MAFF: variants seen among roughly 807,000 people sequenced by gnomAD.
The protein encoded by MAFF is transcription factor MafF.
MAFF carries 4 observed loss-of-function variants against 2.7 expected under a neutral mutation model. The ratio of observed to expected loss-of-function variants is 1.48; its 90% confidence interval spans 0.73 to 3.39. The LOEUF is 3.39. Among genes scored for constraint, MAFF ranks in the 30% most tolerant of loss-of-function variants. The probability of loss-of-function intolerance (pLI) is 0.01; values close to 1 mark genes in which losing one functional copy is unlikely to be tolerated. For synonymous variants in MAFF, 113 were observed against 119.4 expected, an observed-to-expected ratio of 0.95 and a Z score of 0.35; for missense variants, 190 against 246.6, an observed-to-expected ratio of 0.77 and a Z score of 1.54.
At position 38,213,884 on chromosome 22, in the gene MAFF, C is replaced by G; in HGVS notation, c.31C>G (p.Leu11Val). ...TGTGGATCCCCTATCCAGCAAAGCT[C>G]TAAAGGTGAGGAGGCAGCCTCTGTC... MSVDPLSSKA[L>V]KIKRELSENT... Residue 11 changes from leucine to valine, a missense_variant, in exon 2 of 3, where the codon CTA becomes GTA. Physicochemically the swap from Leu to Val is conservative, Grantham distance 32. Transcript: ENST00000338483. The G allele has an allele frequency of 6.2e-7, 1 of 1,614,200 alleles. No individual in the cohort carries two copies. The highest frequency in any genetic ancestry group is 8.5e-7 in the Non-Finnish European group (1 of 1,180,010).
At position 38,202,295 on chromosome 22, in the gene MAFF, G is replaced by T. The variant is rs2091018905; in HGVS notation, c.-32+83G>T. On this transcript the variant is annotated intron_variant, in intron 1 of 2. Transcript: ENST00000338483. This position sits in a 1 kb window ranked among gnomAD's most constrained non-coding sequence, Gnocchi z 7.4. ...GCGTCCCGGGATGCGCCTGGGGTGG[G>T]CGCCCGGGCCCGATCCGTCGGGGCT... 1 of 152,176 alleles carries T rather than the reference G, an allele frequency of 6.6e-6. No individual in the cohort carries two copies. Among genetic ancestry groups the T allele is most frequent in the Non-Finnish European group, 1.5e-5 (1 of 68,024 alleles). The allele number at this position is 152,176 out of a possible 1,614,324, so 9.4% of individuals were successfully genotyped here. A position where few individuals can be genotyped will look rare whatever the true frequency, so the allele number is the denominator to read the frequency against.
chr22:38,209,386 T>C (rs1415604042), intron 1 of MAFF, among the ~76,000 whole-genome samples: 11 of 152,132 alleles, frequency 7.2e-5, no homozygotes, highest in Admixed American at 7.2e-4. Flanking sequence ...GGCTTTAATC[T>C]GGCTGGTGGC....
chr22:38,211,444 C>T (rs2091100612), intron 1 of MAFF, among the ~76,000 whole-genome samples: 1 of 152,150 alleles, frequency 6.6e-6, no homozygotes, highest in African/African-American at 2.4e-5. Context: ...CCAGGCTGGT[C>T]TCGATCTCCT....
At position 38,216,382 on chromosome 22, in the gene MAFF, A is replaced by C. The variant is rs1300645392; in HGVS notation, c.*1504A>C. ...ATAGCAAAATCCTGTCTCAAAAAAA[A>C]AGTTAAAAAATATTGCCCGGCTCCT... On this transcript the variant is annotated 3_prime_UTR_variant, in exon 3 of 3. Coordinates refer to ENST00000338483, the MANE Select transcript of MAFF (RefSeq NM_012323.4). 2 of 166,800 alleles carry C rather than the reference A, an allele frequency of 1.2e-5. No homozygotes were observed. Among genetic ancestry groups the C allele is most frequent in the African/African-American group, 4.8e-5 (2 of 41,456 alleles). The allele number at this position is 166,800 out of a possible 1,614,324, so 10.3% of individuals were successfully genotyped here.
rs1237510278 is a variant in MAFF at position 38,214,906 on chromosome 22, GC to G, written c.*32del. On this transcript the variant is annotated 3_prime_UTR_variant, in exon 3 of 3. Transcript: ENST00000338483. This position sits in a 1 kb window ranked among gnomAD's most constrained non-coding sequence, Gnocchi z 6.3. ...CCCGCCCCCGCCATGCCTCAGCCAC[GC>G]CCCTCCGGCCTCAGCTCCCTCCCCA... is the stretch of plus-strand genomic sequence containing the variant. 6.9e-7 allele frequency: 1 copy of G among 1,459,032 alleles called. No individual in the cohort carries two copies. The highest frequency in any genetic ancestry group is 9.2e-7 in the Non-Finnish European group (1 of 1,082,992). The allele number at this position is 1,459,032 out of a possible 1,614,324, so 90.4% of individuals were successfully genotyped here.
chr22:38,213,685 T>G (rs761178179), intron 1 of MAFF, 138 bp from the exon 2 acceptor site: 1 of 718,368 alleles, frequency 1.4e-6, no homozygotes, highest in Non-Finnish European at 2.5e-6. Context: ...TGTGGACCAA[T>G]GTGGAGAGAG....
intron 1 of MAFF, among the ~76,000 whole-genome samples, chr22:38,209,913 G>A (rs1279736650): frequency 6.6e-6 from 1 of 151,860 alleles, no homozygotes; most frequent in Admixed American, 6.6e-5. Flanking sequence ...GTATCTGAAA[G>A]GTCAGGGTAG....
chr22:38,213,903 C>A lies in MAFF; in HGVS notation c.36+14C>A. ...AAAGCTCTAAAGGTGAGGAGGCAGC[C>A]TCTGTCAACCCAGTGAAGCCCTCCC... On this transcript the variant is annotated intron_variant, in intron 2 of 2. Transcript: ENST00000338483. 6.2e-7 allele frequency: 1 copy of A among 1,614,084 alleles called. No homozygotes were observed. Among genetic ancestry groups the A allele is most frequent in the Non-Finnish European group, 8.5e-7 (1 of 1,179,916 alleles).
At chr22:38,209,461 G>A (rs1286171295) in intron 1 of MAFF, among the ~76,000 whole-genome samples, 2 of 152,116 alleles carry the variant, frequency 1.3e-5, no homozygotes, top group African/African-American at 4.8e-5. Flanking sequence ...GAGACCAGCA[G>A]GGAGGTGTGC....
rs1417526724 is a variant in MAFF at position 38,214,482 on chromosome 22, G to A, written c.99G>A (p.Ser33=). The change falls in exon 3 of 3, where the codon TCG becomes TCA. Residue 33 remains serine, a synonymous_variant. Transcript: ENST00000338483. This position sits in a 1 kb window ranked among gnomAD's most constrained non-coding sequence, Gnocchi z 6.3. The part of the protein sequence containing the change: ...HLSDEALMGL[S]VRELNRHLRG... Reference sequence around the variant, plus strand: ...CGGACGAGGCGCTGATGGGGCTGTCGGTGCGCGAGCTGAACCGGCATCTGC... The same window carrying A: ...CGGACGAGGCGCTGATGGGGCTGTCAGTGCGCGAGCTGAACCGGCATCTGC... 3 of 1,610,040 alleles carry A rather than the reference G, an allele frequency of 1.9e-6. No homozygotes were observed. The highest frequency in any genetic ancestry group is 1.7e-6 in the Non-Finnish European group (2 of 1,179,336).
At chr22:38,211,399 G>A (rs191247526) in intron 1 of MAFF, among the ~76,000 whole-genome samples, 7 of 152,094 alleles carry the variant, frequency 4.6e-5, no homozygotes, top group African/African-American at 1.4e-4. Flanking sequence ...GCTAATTTTC[G>A]TATTTTTAGT....
intron 1 of MAFF, among the ~76,000 whole-genome samples, chr22:38,206,583 C>T (rs1337801252): frequency 6.6e-6 from 1 of 152,018 alleles, no homozygotes; most frequent in Non-Finnish European, 1.5e-5. Context: ...AACTCCTGGC[C>T]TCAGATGATC....
In MAFF at chr22:38,208,650, A is replaced by C. The variant is rs147857264; in HGVS notation, c.-31-5173A>C. ...GCCAGGTCTTGAGATGGGTGGCCTC[A>C]AGCACCCAGAGCTGACTCAGCCTCT... On this transcript the variant is annotated intron_variant, in intron 1 of 2. Coordinates refer to ENST00000338483, the MANE Select transcript of MAFF (RefSeq NM_012323.4). Among the ~76,000 whole-genome samples the C allele has an allele frequency of 3.6e-3, 545 of 152,252 alleles. 1 individual carries two copies. The highest frequency in any genetic ancestry group is 0.012 in the African/African-American group (518 of 41,548).
In MAFF at chr22:38,214,981, C is replaced by A; in HGVS notation, c.*103C>A. 1 of 871,744 alleles carries A rather than the reference C, an allele frequency of 1.1e-6. No homozygotes were observed. Among genetic ancestry groups the A allele is most frequent in the Non-Finnish European group, 1.8e-6 (1 of 547,770 alleles). The allele number at this position is 871,744 out of a possible 1,614,324, so 54.0% of individuals were successfully genotyped here. A position where few individuals can be genotyped will look rare whatever the true frequency, so the allele number is the denominator to read the frequency against. Reference sequence around the variant, plus strand: ...GCCCAGGTCCCATTTCTCTGCAGCACTGGCCCCTTGGTGCACACACATTCC... The same window carrying A: ...GCCCAGGTCCCATTTCTCTGCAGCAATGGCCCCTTGGTGCACACACATTCC... On this transcript the variant is annotated 3_prime_UTR_variant, in exon 3 of 3. Coordinates refer to ENST00000338483, the MANE Select transcript of MAFF (RefSeq NM_012323.4). The surrounding 1 kb of genome is among the most constrained non-coding windows in gnomAD (Gnocchi z 6.3).
At chr22:38,211,652 CA>C (rs1402746954) in intron 1 of MAFF, among the ~76,000 whole-genome samples, 3 of 152,170 alleles carry the variant, frequency 2.0e-5, no homozygotes, top group African/African-American at 7.2e-5. Context: ...CTGTGTCACC[CA>C]GGGGGAAAGT....
intron 1 of MAFF, chr22:38,213,576 C>T (rs949262328): frequency 6.6e-6 from 4 of 606,724 alleles, no homozygotes; most frequent in African/African-American, 1.8e-5. Flanking sequence ...TGACATTGGG[C>T]AAAGACCTAA....
At chr22:38,210,623 A>AGTGAGTGTGT (rs2091091631) in intron 1 of MAFF, among the ~76,000 whole-genome samples, 1 of 132,920 alleles carries the variant, frequency 7.5e-6, no homozygotes, top group Admixed American at 7.7e-5. Flanking sequence ...GGACACAGGG[A>AGTGAGTGTGT]GTGTGTGTGT....
intron 2 of MAFF, 73 bp downstream of exon 2, chr22:38,213,962 T>C: frequency 6.6e-7 from 1 of 1,513,460 alleles, no homozygotes; most frequent in South Asian, 1.1e-5. Context: ...CATCCCAACT[T>C]CCCCTTCTTT....
intron 1 of MAFF, among the ~76,000 whole-genome samples, chr22:38,207,455 T>C (rs1405737546): frequency 3.4e-5 from 2 of 58,722 alleles, no homozygotes; most frequent in African/African-American, 7.0e-5. Context: ...TTTTTTTTTT[T>C]TTTGAGACAG....
Sources: gnomAD v4.1 joint callset for allele counts (sites outside exome capture counted in the v4.1 genomes callset) on GRCh38, gnomAD v4.1.1 for gene constraint, Gnocchi (gnomAD v3.1) non-coding constraint, MANE v1.5 for transcripts, NCBI Gene and HGNC (gene_info 2026-07-23, HGNC 2026-07-21) for gene names.